The following MAP3K15 variants were observed in gnomAD, a reference collection of about 807,000 sequenced individuals.
The protein encoded by MAP3K15 is mitogen-activated protein kinase kinase kinase 15, also known as MAPK/ERK kinase kinase 15.
A neutral mutation model predicts 99.5 loss-of-function variants in MAP3K15; 124 were observed. The observed-to-expected ratio is 1.25, with a 90% CI of 1.08 to 1.45. The LOEUF is 1.45. Among genes scored for constraint, MAP3K15 ranks in the 40% most tolerant of loss-of-function variants. The probability of loss-of-function intolerance (pLI) is 0.00; values close to 1 mark genes in which losing one functional copy is unlikely to be tolerated. For synonymous variants in MAP3K15, 494 were observed against 439.6 expected (o/e 1.12, Z -1.55); for missense variants, 1,242 against 1,079.7 (o/e 1.15, Z -2.11).
intron 9 of MAP3K15, among the ~76,000 whole-genome samples, chrX:19,418,302 T>G (rs959949113): frequency 1.0e-3 from 115 of 110,362 alleles, no homozygotes; most frequent in African/African-American, 3.6e-3. Context: ...GAAAAAAAAT[T>G]AGACAAACGG....
Position 19,425,654 on chromosome X carries a change from C to T in MAP3K15, c.1316G>A (p.Ser439Asn). The change falls in exon 9 of 29, where the codon AGC (serine) becomes AAC (asparagine). Residue 439 changes from serine (S) to asparagine (N), a missense_variant. Coordinates refer to ENST00000338883, the MANE Select transcript of MAP3K15 (RefSeq NM_001001671.4). Reference sequence around the variant, plus strand: ...CCAGTAATTGTTCATTTTCTCCAAGCTCCCTTTTCTTCCCAACAAACTGTT... The same window carrying T: ...CCAGTAATTGTTCATTTTCTCCAAGTTCCCTTTTCTTCCCAACAAACTGTT... ...RLNSLLGRKG[S>N]LEKMNNYWDV... The T allele has an allele frequency of 8.3e-7, 1 of 1,198,987 alleles. No individual in the cohort carries two copies. Among genetic ancestry groups the T allele is most frequent in the Non-Finnish European group, 1.1e-6 (1 of 894,402 alleles).
Position 19,392,564 on chromosome X carries a change from C to T in MAP3K15, c.2195-91G>A, listed in dbSNP as rs1210000988. The T allele has an allele frequency of 3.2e-6, 3 of 935,421 alleles. No homozygotes were observed. In the East Asian group the frequency reaches 9.7e-5, roughly 30 times the overall value. 77.1% of individuals were successfully genotyped at this position (935,421 alleles called of 1,213,427 possible). A position where few individuals can be genotyped will look rare whatever the true frequency, so the allele number is the denominator to read the frequency against. On this transcript the variant is annotated intron_variant, in intron 16 of 28. Transcript: ENST00000338883. ...AAGTGAGGTGAGGTTTCTAACCTAA[C>T]CTAAGTGCTTACACCAACACCATCG...
intron 4 of MAP3K15, among the ~76,000 whole-genome samples, chrX:19,463,901 T>TA (rs377474569): frequency 0.019 from 1,942 of 102,741 alleles, 35 homozygotes; most frequent in African/African-American, 0.055. Context: ...AAGAGATCGT[T>TA]AAAAAAAAAA....
intron 4 of MAP3K15, among the ~76,000 whole-genome samples, chrX:19,463,353 A>G (rs1429909416): frequency 8.9e-6 from 1 of 111,867 alleles, no homozygotes; most frequent in Non-Finnish European, 1.9e-5. Flanking sequence ...TCAGGGTGCC[A>G]CTATTTGAGC....
chrX:19,461,686 G>A (rs1441004899), intron 4 of MAP3K15, among the ~76,000 whole-genome samples: 6 of 110,739 alleles, frequency 5.4e-5, no homozygotes, highest in Non-Finnish European at 7.5e-5. Context: ...TAATACTGTC[G>A]TCCCATTAAG....
At chrX:19,472,934 A>G (rs1010518214) in intron 3 of MAP3K15, among the ~76,000 whole-genome samples, 1 of 112,301 alleles carries the variant, frequency 8.9e-6, no homozygotes, top group Non-Finnish European at 1.9e-5. Context: ...TTTGACAAAC[A>G]TGGTAAATGC....
intron 26 of MAP3K15, 70 bp from the exon 27 acceptor site, chrX:19,361,663 A>C (rs1226942527): frequency 2.8e-6 from 2 of 725,271 alleles, no homozygotes; most frequent in African/African-American, 4.3e-5. Context: ...CAGTTGGATT[A>C]ATAAATGATT....
At chrX:19,465,830 G>GGTGTGTGTGT (rs10589040) in intron 3 of MAP3K15, among the ~76,000 whole-genome samples, 1,133 of 93,971 alleles carry the variant, frequency 0.012, 25 homozygotes, top group African/African-American at 0.039. Flanking sequence ...GGTGTGTAGG[G>GGTGTGTGTGT]GTGTGTGTGT....
intron 18 of MAP3K15, among the ~76,000 whole-genome samples, chrX:19,386,786 G>C (rs941888640): frequency 1.6e-4 from 18 of 111,277 alleles, no homozygotes; most frequent in South Asian, 3.8e-4. Context: ...TCTGATCAAG[G>C]GGCTGAGAGA....
intron 25 of MAP3K15, among the ~76,000 whole-genome samples, chrX:19,363,662 T>G (rs1409493294): frequency 4.6e-5 from 5 of 107,833 alleles, no homozygotes; most frequent in Admixed American, 9.8e-5. Context: ...TTTTGTTTTT[T>G]TTTTTTTGGA....
At chrX:19,442,227 CT>C (rs967927176) in intron 6 of MAP3K15, among the ~76,000 whole-genome samples, 1 of 111,712 alleles carries the variant, frequency 9.0e-6, no homozygotes, top group Non-Finnish European at 1.9e-5. Flanking sequence ...GTGGACTCCT[CT>C]ACTTTTCTGC....
chrX:19,462,223 C>T (rs1159946027), intron 4 of MAP3K15, among the ~76,000 whole-genome samples: 1 of 112,133 alleles, frequency 8.9e-6, no homozygotes, highest in African/African-American at 3.2e-5. Context: ...CAGTACATAA[C>T]CTGGTCCAAT....
intron 18 of MAP3K15, among the ~76,000 whole-genome samples, chrX:19,381,700 G>T (rs756490146): frequency 1.8e-5 from 2 of 112,419 alleles, no homozygotes; most frequent in African/African-American, 6.5e-5. Flanking sequence ...GGCTTTGGAC[G>T]TGCTCTTGTG....
intron 1 of MAP3K15, among the ~76,000 whole-genome samples, chrX:19,495,870 C>A (rs1336536346): frequency 9.0e-6 from 1 of 110,946 alleles, no homozygotes; most frequent in African/African-American, 3.3e-5. Context: ...GCAAGAGGAT[C>A]GCTTGAGCCC....
At chrX:19,384,679 G>A (rs778163628) in intron 18 of MAP3K15, among the ~76,000 whole-genome samples, 37 of 101,969 alleles carry the variant, frequency 3.6e-4, no homozygotes, top group South Asian at 9.6e-4. Flanking sequence ...TGAAGTTGGG[G>A]CTGCAGTGAA....
At chrX:19,462,883 G>A (rs1295002736) in intron 4 of MAP3K15, among the ~76,000 whole-genome samples, 2 of 112,199 alleles carry the variant, frequency 1.8e-5, no homozygotes, top group African/African-American at 6.5e-5. Context: ...TCAGAGGGTG[G>A]AATCCACCAA....
chrX:19,372,729 C>T lies in MAP3K15; in HGVS notation c.3032G>A (p.Arg1011His), dbSNP rs769380632. Residue 1011 changes from arginine to histidine, a missense_variant, in exon 22 of 29, where the codon CGC becomes CAC. Physicochemically the swap from Arg to His is conservative, Grantham distance 29. Coordinates refer to ENST00000338883, the MANE Select transcript of MAP3K15 (RefSeq NM_001001671.4). ...GLFLLRKDSERRAILYKILWE... is the reference protein window; with the variant it reads ...GLFLLRKDSEHRAILYKILWE... Reference sequence around the variant, plus strand: ...GAGGATTTTGTACAGGATGGCACGGCGCTCACTGTCCTTGCGTAGCAGGAA... The same window carrying T: ...GAGGATTTTGTACAGGATGGCACGGTGCTCACTGTCCTTGCGTAGCAGGAA... 7 of 1,211,629 alleles carry T rather than the reference C, an allele frequency of 5.8e-6. No homozygotes were observed. The highest frequency in any genetic ancestry group is 3.5e-5 in the South Asian group (2 of 57,008).
chrX:19,485,244 G>A (rs1197357709), intron 3 of MAP3K15, among the ~76,000 whole-genome samples: 1 of 96,092 alleles, frequency 1.0e-5, no homozygotes, highest in Non-Finnish European at 2.0e-5. Context: ...TGGAGGCAGA[G>A]GTTGCAGTGA....
At chrX:19,492,864 G>A (rs1179066587) in intron 1 of MAP3K15, among the ~76,000 whole-genome samples, 1 of 110,830 alleles carries the variant, frequency 9.0e-6, no homozygotes, top group South Asian at 3.9e-4. Flanking sequence ...CTACTCGGGA[G>A]GCTGAGGCAG....
Sources: allele counts gnomAD v4.1 joint callset (sites outside exome capture counted in the v4.1 genomes callset), GRCh38; gene constraint gnomAD v4.1.1; transcripts MANE v1.5; gene names NCBI Gene and HGNC (gene_info 2026-07-23, HGNC 2026-07-21).